TTC23L: variants seen among roughly 807,000 people sequenced by gnomAD.
The protein encoded by TTC23L is tetratricopeptide repeat protein 23-like.
TTC23L carries 42 observed loss-of-function variants against 48.1 expected under a neutral mutation model. The observed-to-expected ratio is 0.87, with a 90% confidence interval of 0.68 to 1.13. The LOEUF (loss-of-function observed/expected upper bound fraction) is 1.13, where lower values mean the gene tolerates loss of function less well. Ranked by LOEUF, TTC23L falls within the 50% of genes most tolerant of loss-of-function variation. The pLI is 0.00. For synonymous variants in TTC23L, 159 were observed against 157.2 expected, an observed-to-expected ratio of 1.01 and a Z score of -0.09; for missense variants, 391 against 421.0, an observed-to-expected ratio of 0.93 and a Z score of 0.62.
At chr5:34,858,913 G>A (rs185095177) in intron 4 of TTC23L, among the ~76,000 whole-genome samples, 10 of 152,304 alleles carry the variant, frequency 6.6e-5, no homozygotes, top group South Asian at 2.1e-4. Flanking sequence ...CCACAATGTG[G>A]GGCCTAGTCG....
exon 9 of TTC23L, chr5:34,880,285 C>T (rs764126928): frequency 2.5e-6 from 4 of 1,611,898 alleles, no homozygotes; most frequent in South Asian, 1.1e-5. Context: ...TTGCAAATGG[C>T]TTGTCCAAAA....
chr5:34,843,332 T>G (rs567837361), intron 2 of TTC23L, among the ~76,000 whole-genome samples: 1 of 152,196 alleles, frequency 6.6e-6, no homozygotes, highest in Non-Finnish European at 1.5e-5. Context: ...CTATTCTTTT[T>G]ATTCTGACCA....
At chr5:34,890,789 A>T (rs539030326) in intron 9 of TTC23L, among the ~76,000 whole-genome samples, 1 of 152,170 alleles carries the variant, frequency 6.6e-6, no homozygotes, top group South Asian at 2.1e-4. Flanking sequence ...AGTTTTTTTT[A>T]AAAGATGAGG....
At chr5:34,879,038 T>C (rs1762044412) in intron 8 of TTC23L, among the ~76,000 whole-genome samples, 1 of 152,170 alleles carries the variant, frequency 6.6e-6, no homozygotes, top group African/African-American at 2.4e-5. Flanking sequence ...ATCATGTCTT[T>C]TGCAGCAAAA....
At chr5:34,880,718 A>C (rs1762173038) in intron 9 of TTC23L, 4 of 337,980 alleles carry the variant, frequency 1.2e-5, no homozygotes, top group Non-Finnish European at 2.3e-5. Flanking sequence ...GGCTCACTGC[A>C]ACCTCCGCCT....
At chr5:34,881,742 A>G (rs891362786) in intron 9 of TTC23L, among the ~76,000 whole-genome samples, 7 of 149,966 alleles carry the variant, frequency 4.7e-5, no homozygotes, top group African/African-American at 1.2e-4. Flanking sequence ...TGTGGCCATG[A>G]TATTTTCTGT....
intron 2 of TTC23L, among the ~76,000 whole-genome samples, chr5:34,841,296 C>T (rs999139167): frequency 2.6e-5 from 4 of 152,096 alleles, no homozygotes; most frequent in Admixed American, 1.3e-4. Context: ...ACTTTCGTAT[C>T]GTCTAATACT....
At chr5:34,917,038 TATA>T in the TTC23L span, among the ~76,000 whole-genome samples, 5 of 152,162 alleles carry the variant, frequency 3.3e-5, no homozygotes, top group Admixed American at 1.3e-4. Context: ...TTTACCCTAG[TATA>T]ATAAGATAAA....
chr5:34,889,411 G>A (rs576351787), intron 9 of TTC23L, among the ~76,000 whole-genome samples: 1 of 152,308 alleles, frequency 6.6e-6, no homozygotes, highest in African/African-American at 2.4e-5. Flanking sequence ...CCCTGAATGT[G>A]TTCACCAGCG....
downstream of TTC23L, among the ~76,000 whole-genome samples, chr5:34,904,131 TAAAAA>T (rs568744710): frequency 6.8e-6 from 1 of 146,808 alleles, no homozygotes; most frequent in Non-Finnish European, 1.5e-5. Flanking sequence ...CCTGGCTAAT[TAAAAA>T]AAAAAAATTT....
At chr5:34,913,385 C>A in the TTC23L span, 5 of 712,246 alleles carry the variant, frequency 7.0e-6, no homozygotes, top group East Asian at 5.6e-5. Context: ...CTTTCTGAAC[C>A]AATGTTTATG....
chr5:34,850,619 G>T (rs1759597555), intron 4 of TTC23L, among the ~76,000 whole-genome samples: 1 of 152,172 alleles, frequency 6.6e-6, no homozygotes, highest in Admixed American at 6.5e-5. Context: ...AGCACAGTGG[G>T]CAAAGGGCAG....
intron 9 of TTC23L, among the ~76,000 whole-genome samples, chr5:34,889,887 G>A (rs1264551941): frequency 2.6e-5 from 4 of 151,644 alleles, no homozygotes; most frequent in African/African-American, 9.7e-5. Context: ...TCGCCAGGCT[G>A]TAGTGCAGTG....
intron 6 of TTC23L, among the ~76,000 whole-genome samples, chr5:34,865,365 TG>T (rs2150402931): frequency 6.6e-6 from 1 of 152,260 alleles, no homozygotes; most frequent in Non-Finnish European, 1.5e-5. Context: ...AGAAGTCAGA[TG>T]GGAAATGGGG....
chr5:34,899,822 G>A (rs1440604219), downstream of TTC23L, among the ~76,000 whole-genome samples: 2 of 152,132 alleles, frequency 1.3e-5, no homozygotes, highest in South Asian at 2.1e-4. Flanking sequence ...AACCGGGGTC[G>A]GAGGTTGCAG....
chr5:34,877,690 C>G (rs1206141756), intron 8 of TTC23L, among the ~76,000 whole-genome samples: 1 of 152,130 alleles, frequency 6.6e-6, no homozygotes, highest in Non-Finnish European at 1.5e-5. Flanking sequence ...TCCCAAAGTG[C>G]TGGGATAACA....
chr5:34,913,892 A>AT, the TTC23L span: 1 of 444,868 alleles, frequency 2.2e-6, no homozygotes. Context: ...TTTTATTATG[A>AT]TTTTTTATTG....
At chr5:34,846,096 G>A (rs1379941091) in intron 3 of TTC23L, among the ~76,000 whole-genome samples, 1 of 152,142 alleles carries the variant, frequency 6.6e-6, no homozygotes, top group African/African-American at 2.4e-5. Flanking sequence ...AGACAGGATA[G>A]CAGCTTGTGC....
At chr5:34,891,412 G>A (rs576894461) in intron 9 of TTC23L, among the ~76,000 whole-genome samples, 1 of 152,124 alleles carries the variant, frequency 6.6e-6, no homozygotes, top group East Asian at 1.9e-4. Flanking sequence ...ATAAAATCAT[G>A]TCTATAACAT....
Sources: allele counts gnomAD v4.1 joint callset (sites outside exome capture counted in the v4.1 genomes callset), GRCh38; gene constraint gnomAD v4.1.1; transcripts MANE v1.5; gene names NCBI Gene and HGNC (gene_info 2026-07-23, HGNC 2026-07-21).